Variants in DYSF observed in about 807,000 individuals in gnomAD.
The protein encoded by DYSF is dysferlin.
Under a neutral mutation model 274.9 loss-of-function variants are expected in DYSF, and 212 were observed. That is an observed-to-expected ratio of 0.77 (90% CI 0.69 to 0.86). The LOEUF is 0.86. Among genes scored for constraint, DYSF ranks in the 40% least tolerant of loss-of-function variants. The pLI is 0.00. For synonymous variants in DYSF, 1,091 were observed against 1,078.7 expected, an observed-to-expected ratio of 1.01 and a Z score of -0.22; for missense variants, 2,666 against 2,783.2, an observed-to-expected ratio of 0.96 and a Z score of 0.95.
intron 30 of DYSF, among the ~76,000 whole-genome samples, chr2:71,578,011 C>G (rs1403147092): frequency 6.6e-6 from 1 of 152,312 alleles, no homozygotes; most frequent in African/African-American, 2.4e-5. Flanking sequence ...CCATTAGCAA[C>G]TCTGTTACCT....
At chr2:71,494,700 C>A (rs773516317) in intron 3 of DYSF, among the ~76,000 whole-genome samples, 1 of 152,220 alleles carries the variant, frequency 6.6e-6, no homozygotes, top group Non-Finnish European at 1.5e-5. Context: ...TTGAGCCTCA[C>A]CCCTTGGCTC....
chr2:71,496,180 C>T (rs966492571), intron 3 of DYSF, among the ~76,000 whole-genome samples: 2 of 152,108 alleles, frequency 1.3e-5, no homozygotes, highest in East Asian at 3.9e-4. Flanking sequence ...AATTAATTAG[C>T]TTTTAAAAGC....
intron 55 of DYSF, 53 bp downstream of exon 55, chr2:71,682,730 G>C: frequency 6.3e-7 from 1 of 1,578,144 alleles, no homozygotes; most frequent in Non-Finnish European, 8.6e-7. Flanking sequence ...TAATGGGGGA[G>C]TTCATCATTG....
At chr2:71,467,273 A>G (rs536957570) in intron 1 of DYSF, among the ~76,000 whole-genome samples, 1 of 152,320 alleles carries the variant, frequency 6.6e-6, no homozygotes, top group South Asian at 2.1e-4. Flanking sequence ...TGCAGAAGGT[A>G]GAGAGGAATC....
intron 33 of DYSF, among the ~76,000 whole-genome samples, chr2:71,600,015 A>G (rs898694217): frequency 6.6e-5 from 10 of 150,670 alleles, no homozygotes; most frequent in African/African-American, 2.5e-4. Context: ...AGCAGGAGGG[A>G]GGCAGGCGGC....
upstream of DYSF, chr2:71,466,670 C>T: frequency 1.5e-6 from 2 of 1,337,432 alleles, no homozygotes; most frequent in South Asian, 2.0e-5. Context: ...GTCCGGTGTC[C>T]TCCCTGCAGC....
At position 71,553,716 on chromosome 2, in the gene DYSF, C is replaced by T; in HGVS notation, c.1985-91C>T. The T allele has an allele frequency of 3.4e-6, 4 of 1,184,126 alleles. No individual in the cohort carries two copies. The South Asian group carries it at 3.8e-5, about 11-fold the overall frequency. The allele number at this position is 1,184,126 out of a possible 1,614,324, so 73.4% of individuals were successfully genotyped here. A position where few individuals can be genotyped will look rare whatever the true frequency, so the allele number is the denominator to read the frequency against. ...TTTCCCAGCTCTGCCAGTCCTAGCCCTGGAGTGCCCAGGAGGCTGGCACTC... is the reference window on the plus strand; with the variant it reads ...TTTCCCAGCTCTGCCAGTCCTAGCCTTGGAGTGCCCAGGAGGCTGGCACTC... On this transcript the variant is annotated intron_variant, in intron 20 of 55. Coordinates refer to ENST00000410020, the MANE Select transcript of DYSF (RefSeq NM_001130987.2).
chr2:71,460,640 A>G (rs1293113838), intron 1 of DYSF, among the ~76,000 whole-genome samples: 2 of 152,220 alleles, frequency 1.3e-5, no homozygotes, highest in Admixed American at 1.3e-4. Flanking sequence ...AGTCCAGGTC[A>G]GTGAACATCA....
chr2:71,675,201 A>T (rs560147176), intron 52 of DYSF, among the ~76,000 whole-genome samples: 42 of 152,220 alleles, frequency 2.8e-4, no homozygotes, highest in South Asian at 8.3e-4. Flanking sequence ...TTTTGCGGTG[A>T]TGGAAAGGTT....
chr2:71,517,156 T>C lies in DYSF; in HGVS notation c.1002+117T>C, dbSNP rs1559058028. 11 of 1,040,308 alleles carry C rather than the reference T, an allele frequency of 1.1e-5. No homozygotes were observed. In the South Asian group the frequency reaches 1.4e-4, roughly 13 times the overall value. The allele number at this position is 1,040,308 out of a possible 1,614,324, so 64.4% of individuals were successfully genotyped here. Reference sequence around the variant, plus strand: ...TGTGTTTCTCTGCTTTGGGAAAATATAATTTCAAAGAACAACGCCAAGCCC... The same window carrying C: ...TGTGTTTCTCTGCTTTGGGAAAATACAATTTCAAAGAACAACGCCAAGCCC... On this transcript the variant is annotated intron_variant, in intron 10 of 55. Coordinates refer to ENST00000410020, the MANE Select transcript of DYSF (RefSeq NM_001130987.2).
chr2:71,493,487 G>A (rs2084062253), intron 3 of DYSF, among the ~76,000 whole-genome samples: 1 of 152,178 alleles, frequency 6.6e-6, no homozygotes, highest in East Asian at 1.9e-4. Context: ...ATATTTGTGA[G>A]GGAATAGAGC....
intron 35 of DYSF, among the ~76,000 whole-genome samples, chr2:71,602,077 C>A (rs1295809432): frequency 6.6e-6 from 1 of 152,140 alleles, no homozygotes; most frequent in Non-Finnish European, 1.5e-5. Context: ...CTTTCCTCTT[C>A]CTGGACGGGG....
intron 41 of DYSF, among the ~76,000 whole-genome samples, chr2:71,635,679 G>A (rs1306697555): frequency 6.9e-6 from 1 of 144,600 alleles, no homozygotes; most frequent in Non-Finnish European, 1.5e-5. Context: ...AACCTGGGAG[G>A]CAGAGCTTGC....
intron 32 of DYSF, among the ~76,000 whole-genome samples, chr2:71,590,723 T>TC (rs2093238506): frequency 6.6e-6 from 1 of 152,150 alleles, no homozygotes; most frequent in African/African-American, 2.4e-5. Flanking sequence ...GTGACCTTGC[T>TC]CCCCAGCTCC....
intron 17 of DYSF, among the ~76,000 whole-genome samples, chr2:71,540,636 T>C (rs188818151): frequency 6.6e-6 from 1 of 151,216 alleles, no homozygotes; most frequent in Non-Finnish European, 1.5e-5. Flanking sequence ...AGTTGACCGA[T>C]TTCAATTTGA....
At chr2:71,558,639 C>T (rs1161684750) in intron 22 of DYSF, among the ~76,000 whole-genome samples, 1 of 152,116 alleles carries the variant, frequency 6.6e-6, no homozygotes, top group Non-Finnish European at 1.5e-5. Context: ...TGGCTGCCCT[C>T]AGTGACCTCT....
intron 41 of DYSF, among the ~76,000 whole-genome samples, chr2:71,625,096 C>G (rs543047875): frequency 6.6e-6 from 1 of 152,150 alleles, no homozygotes; most frequent in South Asian, 2.1e-4. Flanking sequence ...ATCCAAAGAA[C>G]CAGCTCTTTA....
intron 26 of DYSF, among the ~76,000 whole-genome samples, chr2:71,569,546 G>C (rs377461460): frequency 1.3e-5 from 2 of 152,142 alleles, no homozygotes; most frequent in African/African-American, 4.8e-5. Context: ...ATCAAGCCTC[G>C]ACTGCCCATC....
At chr2:71,478,723 A>T (rs1412242215) in intron 1 of DYSF, among the ~76,000 whole-genome samples, 1 of 152,052 alleles carries the variant, frequency 6.6e-6, no homozygotes, top group African/African-American at 2.4e-5. Flanking sequence ...TGCGGGACTC[A>T]CTACAACGAG....
Sources: gnomAD v4.1 joint callset for allele counts (sites outside exome capture counted in the v4.1 genomes callset) on GRCh38, gnomAD v4.1.1 for gene constraint, MANE v1.5 for transcripts, NCBI Gene and HGNC (gene_info 2026-07-23, HGNC 2026-07-21) for gene names.